Variants in ACTR3C observed in about 807,000 individuals in gnomAD.
The protein encoded by ACTR3C is actin related protein 3C, also known as actin-related protein 3C.
A neutral mutation model predicts 26.3 loss-of-function variants in ACTR3C; 18 were observed. The observed-to-expected ratio is 0.68, with a 90% CI of 0.47 to 1.01. The LOEUF (loss-of-function observed/expected upper bound fraction) is 1.01, where lower values mean the gene tolerates loss of function less well. Ranked by LOEUF, ACTR3C falls within the 50% of genes least tolerant of loss-of-function variation. ACTR3C has a pLI of 0.00. For missense variants in ACTR3C, 184 were observed against 250.7 expected, an observed-to-expected ratio of 0.73 and a Z score of 1.80; for synonymous variants, 55 against 94.5, an observed-to-expected ratio of 0.58 and a Z score of 2.42.
At chr7:150,051,471 C>T in the ACTR3C span, among the ~76,000 whole-genome samples, 2 of 149,244 alleles carry the variant, frequency 1.3e-5, no homozygotes, top group Admixed American at 6.7e-5. Context: ...TGTAGTGGTT[C>T]GGAAGGAAAC....
At chr7:149,934,289 G>A in the ACTR3C span, among the ~76,000 whole-genome samples, 1 of 152,098 alleles carries the variant, frequency 6.6e-6, no homozygotes, top group Non-Finnish European at 1.5e-5. Context: ...CAGATCCCAG[G>A]TGTTGAGCTC....
chr7:150,161,982 TA>T, the ACTR3C span, among the ~76,000 whole-genome samples: 2 of 152,158 alleles, frequency 1.3e-5, no homozygotes, highest in African/African-American at 2.4e-5. Context: ...TTATCAAGTC[TA>T]AAATGTCATT....
chr7:150,305,205 CAG>C (rs1795717213), intron 1 of ACTR3C, among the ~76,000 whole-genome samples: 1 of 152,292 alleles, frequency 6.6e-6, no homozygotes, highest in Admixed American at 6.5e-5. Flanking sequence ...CCCACTGACT[CAG>C]AGCTGCATAA....
At chr7:150,036,854 T>C in the ACTR3C span, among the ~76,000 whole-genome samples, 19 of 117,248 alleles carry the variant, frequency 1.6e-4, no homozygotes, top group African/African-American at 5.5e-4. Flanking sequence ...CGATGGGGGG[T>C]CCTAAGCCAG....
the ACTR3C span, among the ~76,000 whole-genome samples, chr7:150,143,814 T>C: frequency 0.02 from 2,903 of 144,048 alleles, 40 homozygotes; most frequent in African/African-American, 0.062. Context: ...GCTTAGAGCT[T>C]GCACCCCTGA....
chr7:149,992,581 A>G, the ACTR3C span, among the ~76,000 whole-genome samples: 1 of 152,338 alleles, frequency 6.6e-6, no homozygotes, highest in Middle Eastern at 3.4e-3. Flanking sequence ...GTGATTATCC[A>G]TCAGCTACAG....
intron 6 of ACTR3C, among the ~76,000 whole-genome samples, chr7:150,267,679 GA>G (rs1244362355): frequency 2.6e-5 from 4 of 152,084 alleles, no homozygotes; most frequent in Non-Finnish European, 5.9e-5. Flanking sequence ...GTATGTACAG[GA>G]AAAAAAGATC....
chr7:150,020,410 G>C, the ACTR3C span, among the ~76,000 whole-genome samples: 2 of 152,026 alleles, frequency 1.3e-5, no homozygotes, highest in Non-Finnish European at 2.9e-5. Flanking sequence ...ACCTATTTCG[G>C]TTTCTGTTTC....
At chr7:150,146,620 C>T in the ACTR3C span, among the ~76,000 whole-genome samples, 1 of 152,146 alleles carries the variant, frequency 6.6e-6, no homozygotes, top group Non-Finnish European at 1.5e-5. Flanking sequence ...TACGTTCTAG[C>T]TACTGGAATA....
At chr7:150,279,815 T>G (rs2129611805) in intron 6 of ACTR3C, among the ~76,000 whole-genome samples, 1 of 152,346 alleles carries the variant, frequency 6.6e-6, no homozygotes, top group Middle Eastern at 3.4e-3. Context: ...TTTGCATGAT[T>G]CACTTTAATG....
chr7:150,248,855 A>G, intron 7 of ACTR3C, 93 bp downstream of exon 7: 2 of 431,792 alleles, frequency 4.6e-6, no homozygotes, highest in South Asian at 1.4e-4. Context: ...ATGCTTCAAT[A>G]AGCAATTATG....
chr7:149,969,504 C>T, the ACTR3C span, among the ~76,000 whole-genome samples: 1 of 152,200 alleles, frequency 6.6e-6, no homozygotes, highest in African/African-American at 2.4e-5. Flanking sequence ...TCTTCTCCAG[C>T]GCAAGTAAAG....
chr7:150,131,133 T>G, the ACTR3C span, among the ~76,000 whole-genome samples: 5 of 152,288 alleles, frequency 3.3e-5, no homozygotes, highest in African/African-American at 1.2e-4. Context: ...GCATACTGTA[T>G]CTCAATAAAG....
chr7:150,300,366 C>A (rs1366830787), intron 1 of ACTR3C, among the ~76,000 whole-genome samples: 4 of 152,136 alleles, frequency 2.6e-5, no homozygotes, highest in East Asian at 1.9e-4. Context: ...AAAACAACAA[C>A]AAAAAAAGAA....
the ACTR3C span, among the ~76,000 whole-genome samples, chr7:150,048,814 C>T: frequency 1.3e-5 from 2 of 152,154 alleles, no homozygotes; most frequent in Non-Finnish European, 2.9e-5. Flanking sequence ...AGGCCGCCCT[C>T]CCTCCACAGC....
chr7:150,191,132 A>G, the ACTR3C span, among the ~76,000 whole-genome samples: 2 of 152,232 alleles, frequency 1.3e-5, no homozygotes, highest in Non-Finnish European at 2.9e-5. Context: ...TGGTTATAAA[A>G]TACATCTTGA....
the ACTR3C span, among the ~76,000 whole-genome samples, chr7:150,035,260 C>T: frequency 5.9e-4 from 44 of 74,928 alleles, 3 homozygotes; most frequent in Admixed American, 1.0e-3. Context: ...GAACCAGGGG[C>T]TGGCTCTCAG....
At chr7:150,040,017 C>T in the ACTR3C span, among the ~76,000 whole-genome samples, 14 of 111,704 alleles carry the variant, frequency 1.3e-4, 1 homozygote, top group African/African-American at 5.1e-4. Context: ...AAGAGCCAGG[C>T]GGGGAAGAGG....
chr7:150,030,089 GCTTT>G, the ACTR3C span, among the ~76,000 whole-genome samples: 8 of 124,222 alleles, frequency 6.4e-5, no homozygotes, highest in African/African-American at 2.5e-4. Flanking sequence ...GGCAAGGACT[GCTTT>G]ATTTATGCAG....
Sources: allele counts gnomAD v4.1 joint callset (sites outside exome capture counted in the v4.1 genomes callset), GRCh38; gene constraint gnomAD v4.1.1; transcripts MANE v1.5; gene names NCBI Gene and HGNC (gene_info 2026-07-23, HGNC 2026-07-21).